The following MCU variants were observed in gnomAD, a reference collection of about 807,000 sequenced individuals.
The protein encoded by MCU is calcium uniporter protein, mitochondrial.
Under a neutral mutation model 45.2 loss-of-function variants are expected in MCU, and 12 were observed. That is an observed-to-expected ratio of 0.27 (90% confidence interval 0.17 to 0.43). The LOEUF (loss-of-function observed/expected upper bound fraction) is 0.43, where lower values mean the gene tolerates loss of function less well. Ranked by LOEUF, MCU falls within the 20% of genes least tolerant of loss-of-function variation. The pLI is 1.00. For synonymous variants in MCU, 160 were observed against 165.1 expected (o/e 0.97, Z 0.24); for missense variants, 324 against 436.7 (o/e 0.74, Z 2.30).
At chr10:72,812,890 C>A (rs1457147260) in intron 1 of MCU, among the ~76,000 whole-genome samples, 1 of 152,154 alleles carries the variant, frequency 6.6e-6, no homozygotes, top group Non-Finnish European at 1.5e-5. Context: ...AAATATGCAG[C>A]TTGACAAGTT....
At chr10:72,794,269 G>A (rs940257231) in intron 1 of MCU, among the ~76,000 whole-genome samples, 1 of 152,110 alleles carries the variant, frequency 6.6e-6, no homozygotes, top group African/African-American at 2.4e-5. Flanking sequence ...ACAGTGGTGG[G>A]AAAAACATAG....
chr10:72,855,542 A>G (rs1845276026), intron 2 of MCU, among the ~76,000 whole-genome samples: 1 of 152,184 alleles, frequency 6.6e-6, no homozygotes, highest in Non-Finnish European at 1.5e-5. Context: ...TGATCACACC[A>G]CTGTACTCCA....
At chr10:72,885,643 C>T in intron 7 of MCU, 102 bp from the exon 8 acceptor site, 1 of 750,688 alleles carries the variant, frequency 1.3e-6, no homozygotes, top group South Asian at 1.7e-5. Flanking sequence ...GAGATGATCT[C>T]TCTGACTTAT....
intron 1 of MCU, among the ~76,000 whole-genome samples, chr10:72,832,097 C>T (rs1471241589): frequency 6.6e-6 from 1 of 152,026 alleles, no homozygotes; most frequent in South Asian, 2.1e-4. Flanking sequence ...GATGAGGTCT[C>T]ACTCTGTTGC....
intron 1 of MCU, among the ~76,000 whole-genome samples, chr10:72,718,996 G>A (rs958457740): frequency 7.2e-5 from 11 of 152,294 alleles, no homozygotes; most frequent in Admixed American, 2.6e-4. Flanking sequence ...GTTTGACAGA[G>A]GGTATGAAGG....
At chr10:72,862,011 T>C (rs1282168820) in intron 4 of MCU, among the ~76,000 whole-genome samples, 1 of 149,864 alleles carries the variant, frequency 6.7e-6, no homozygotes, top group Non-Finnish European at 1.5e-5. Flanking sequence ...AGACTGAGTC[T>C]TGCTCTGTCA....
chr10:72,801,861 C>T (rs765856368), intron 1 of MCU, among the ~76,000 whole-genome samples: 3 of 151,548 alleles, frequency 2.0e-5, no homozygotes, highest in Non-Finnish European at 4.4e-5. Context: ...TTGGTAGAGA[C>T]GGGGTTTTGC....
intron 1 of MCU, among the ~76,000 whole-genome samples, chr10:72,718,335 T>C (rs1842979002): frequency 1.3e-5 from 2 of 152,230 alleles, no homozygotes; most frequent in Non-Finnish European, 2.9e-5. Flanking sequence ...TTTAGCATCA[T>C]CAATTTCAGA....
At chr10:72,736,657 T>C (rs1843255865) in intron 1 of MCU, 1 of 152,232 alleles carries the variant, frequency 6.6e-6, no homozygotes. Context: ...GCCATTATTA[T>C]CTTAGTAAAT....
At chr10:72,734,922 T>A (rs1379452858) in intron 1 of MCU, among the ~76,000 whole-genome samples, 2 of 151,974 alleles carry the variant, frequency 1.3e-5, no homozygotes, top group African/African-American at 2.4e-5. Flanking sequence ...CGAATAATTT[T>A]AAAAAAATTA....
At chr10:72,784,042 G>T (rs959075953) in intron 1 of MCU, among the ~76,000 whole-genome samples, 2 of 152,156 alleles carry the variant, frequency 1.3e-5, no homozygotes, top group Admixed American at 1.3e-4. Context: ...CCTGCTGCTT[G>T]ATCCAAGTGA....
At chr10:72,758,556 T>A (rs1843610534) in intron 1 of MCU, among the ~76,000 whole-genome samples, 1 of 152,174 alleles carries the variant, frequency 6.6e-6, no homozygotes, top group East Asian at 1.9e-4. Flanking sequence ...GGCAGTCTAT[T>A]TCTTTTTTCT....
chr10:72,759,002 T>C (rs1028108020), intron 1 of MCU, among the ~76,000 whole-genome samples: 2 of 152,314 alleles, frequency 1.3e-5, no homozygotes, highest in East Asian at 3.9e-4. Flanking sequence ...TGTACCTGTT[T>C]AGTTGTATTA....
intron 1 of MCU, among the ~76,000 whole-genome samples, chr10:72,733,706 T>TTC (rs1843212635): frequency 6.7e-6 from 1 of 149,330 alleles, no homozygotes; most frequent in African/African-American, 2.4e-5. Context: ...TATATATATT[T>TTC]TTTTAAAGAA....
chr10:72,720,087 A>G (rs1177342685), intron 1 of MCU, among the ~76,000 whole-genome samples: 2 of 151,984 alleles, frequency 1.3e-5, no homozygotes, highest in African/African-American at 2.4e-5. Context: ...TAGGTTGCCC[A>G]GCTGGTCTTG....
chr10:72,794,390 T>C (rs1478784085), intron 1 of MCU, among the ~76,000 whole-genome samples: 6 of 152,200 alleles, frequency 3.9e-5, no homozygotes, highest in Non-Finnish European at 7.4e-5. Flanking sequence ...ATTTCCTTGA[T>C]TGGGGATCAG....
chr10:72,725,407 T>C (rs932804556), intron 1 of MCU, among the ~76,000 whole-genome samples: 2 of 150,650 alleles, frequency 1.3e-5, no homozygotes, highest in Non-Finnish European at 2.9e-5. Context: ...ATTACAGGCA[T>C]GAGCCACTGC....
At chr10:72,758,873 A>C (rs1326559248) in intron 1 of MCU, among the ~76,000 whole-genome samples, 1 of 152,198 alleles carries the variant, frequency 6.6e-6, no homozygotes, top group Non-Finnish European at 1.5e-5. Context: ...TTAAGACAGA[A>C]TTAATAAGTA....
chr10:72,797,657 C>G (rs968097103), intron 1 of MCU, among the ~76,000 whole-genome samples: 4 of 151,042 alleles, frequency 2.6e-5, no homozygotes, highest in South Asian at 2.1e-4. Flanking sequence ...GCCTCAGCCT[C>G]CCAAGTAGCT....
Sources: gnomAD v4.1 joint callset for allele counts (sites outside exome capture counted in the v4.1 genomes callset) on GRCh38, gnomAD v4.1.1 for gene constraint, MANE v1.5 for transcripts, NCBI Gene and HGNC (gene_info 2026-07-23, HGNC 2026-07-21) for gene names.